Variants in AGBL1 observed in about 807,000 individuals in gnomAD.
AGBL1 encodes AGBL carboxypeptidase 1, also known as cytosolic carboxypeptidase 4.
Under a neutral mutation model 118.9 loss-of-function variants are expected in AGBL1, and 130 were observed. That is an observed-to-expected ratio of 1.09 (90% CI 0.95 to 1.26). The LOEUF (loss-of-function observed/expected upper bound fraction) is 1.26, where lower values mean the gene tolerates loss of function less well. AGBL1 is among the 50% of genes most tolerant of loss of function. The pLI, the probability that AGBL1 is intolerant of heterozygous loss-of-function variation, is 0.00. For synonymous variants in AGBL1, 555 were observed against 478.9 expected (o/e 1.16, Z -2.08); for missense variants, 1,584 against 1,298.1 (o/e 1.22, Z -3.38).
chr15:86,216,672 G>T (rs1298130952), intron 5 of AGBL1, among the ~76,000 whole-genome samples: 1 of 152,060 alleles, frequency 6.6e-6, no homozygotes, highest in East Asian at 1.9e-4. Flanking sequence ...GCTCCACATG[G>T]CTTTCTACTG....
At position 86,782,522 on chromosome 15, in the gene AGBL1, C is replaced by A. The variant is rs1257076216; in HGVS notation, c.3158+108086C>A. On this transcript the variant is annotated intron_variant, in intron 22 of 22. Transcript: ENST00000614907. ...ATTGGAAGCAAAATCCAAAAATAAT[C>A]ATTTCCTACTTTTGTGTGCGTTCTT... Among the ~76,000 whole-genome samples, 2 of 152,164 alleles carry A rather than the reference C, an allele frequency of 1.3e-5. 1 individual carries two copies. Among genetic ancestry groups the A allele is most frequent in the East Asian group, 3.9e-4 (2 of 5,182 alleles).
intron 1 of AGBL1, among the ~76,000 whole-genome samples, chr15:86,130,132 C>G (rs1236546396): frequency 1.3e-5 from 2 of 152,098 alleles, no homozygotes; most frequent in Admixed American, 1.3e-4. Context: ...ATGTCTCACT[C>G]TATACTGGAG....
At chr15:86,947,651 C>T (rs1439704582) in intron 23 of AGBL1, among the ~76,000 whole-genome samples, 1 of 152,188 alleles carries the variant, frequency 6.6e-6, no homozygotes, top group East Asian at 1.9e-4. Context: ...AAAATGTGCA[C>T]AAAAGAGTCA....
At chr15:86,719,015 T>G (rs936264106) in intron 22 of AGBL1, among the ~76,000 whole-genome samples, 2 of 152,136 alleles carry the variant, frequency 1.3e-5, no homozygotes, top group African/African-American at 4.8e-5. Flanking sequence ...CAACACCCCT[T>G]TCCCCCCATT....
chr15:86,601,873 T>A (rs1270296406), intron 21 of AGBL1, among the ~76,000 whole-genome samples: 1 of 152,174 alleles, frequency 6.6e-6, no homozygotes, highest in Non-Finnish European at 1.5e-5. Flanking sequence ...AATATGTGCC[T>A]AAAGTCACAT....
chr15:86,861,965 G>A (rs1366003499), intron 22 of AGBL1, among the ~76,000 whole-genome samples: 4 of 152,214 alleles, frequency 2.6e-5, no homozygotes, highest in South Asian at 2.1e-4. Flanking sequence ...TAAGGATACT[G>A]CAATTAAGAG....
chr15:86,487,365 C>T (rs1207754428), intron 18 of AGBL1, among the ~76,000 whole-genome samples: 1 of 152,050 alleles, frequency 6.6e-6, no homozygotes, highest in African/African-American at 2.4e-5. Context: ...TCCTGTGTTG[C>T]TAAAAGTGCT....
chr15:86,204,738 C>A (rs748215042), intron 5 of AGBL1, among the ~76,000 whole-genome samples: 1 of 152,060 alleles, frequency 6.6e-6, no homozygotes, highest in Non-Finnish European at 1.5e-5. Flanking sequence ...TACAGGCGTG[C>A]ACCACCATGC....
At chr15:86,551,445 A>C (rs2083662111) in intron 20 of AGBL1, among the ~76,000 whole-genome samples, 1 of 152,194 alleles carries the variant, frequency 6.6e-6, no homozygotes, top group Admixed American at 6.5e-5. Flanking sequence ...TATCATTAAC[A>C]ACTTTATGCC....
At chr15:86,723,160 G>A (rs1488556654) in intron 22 of AGBL1, among the ~76,000 whole-genome samples, 1 of 152,156 alleles carries the variant, frequency 6.6e-6, no homozygotes, top group African/African-American at 2.4e-5. Flanking sequence ...CTGAGTGTAT[G>A]TCCAAAGGAT....
chr15:86,475,948 C>T (rs2142112138), intron 18 of AGBL1, among the ~76,000 whole-genome samples: 1 of 152,266 alleles, frequency 6.6e-6, no homozygotes, highest in Admixed American at 6.5e-5. Context: ...GAATTTTCAA[C>T]CCAGAATTTC....
At chr15:86,607,358 C>A (rs1271527977) in intron 21 of AGBL1, among the ~76,000 whole-genome samples, 10 of 152,150 alleles carry the variant, frequency 6.6e-5, no homozygotes, top group Non-Finnish European at 2.9e-5. Flanking sequence ...GAATGAACCT[C>A]CTCTTGAATG....
chr15:86,566,112 C>G (rs1410291404), intron 21 of AGBL1, among the ~76,000 whole-genome samples: 42 of 152,008 alleles, frequency 2.8e-4, no homozygotes, highest in African/African-American at 7.0e-4. Flanking sequence ...CTTTGGCTCA[C>G]CTCGTTGGGC....
intron 1 of AGBL1, among the ~76,000 whole-genome samples, chr15:86,118,149 A>G (rs992325716): frequency 3.3e-5 from 5 of 152,194 alleles, no homozygotes; most frequent in African/African-American, 1.2e-4. Context: ...ACCTTTTCCC[A>G]GGTGGACTCA....
intron 22 of AGBL1, among the ~76,000 whole-genome samples, chr15:86,684,550 G>A (rs1298954809): frequency 2.0e-5 from 3 of 151,512 alleles, no homozygotes; most frequent in Non-Finnish European, 4.4e-5. Flanking sequence ...CAAACTCCTG[G>A]GCTCAAGCAG....
downstream of AGBL1, among the ~76,000 whole-genome samples, chr15:87,029,433 A>ATACTT (rs1425046693): frequency 2.0e-5 from 3 of 151,890 alleles, no homozygotes; most frequent in South Asian, 2.1e-4. Flanking sequence ...TGATGTGCTA[A>ATACTT]TACTTTATTC....
At chr15:86,935,319 A>G (rs544728275) in intron 23 of AGBL1, 2 of 152,364 alleles carry the variant, frequency 1.3e-5, no homozygotes, top group East Asian at 3.9e-4. Flanking sequence ...AGTTATGGTT[A>G]TACATGTGAC....
rs544397935 is a variant in AGBL1, at chr15:86,383,275, A to AAAAAAAAAT, written c.2375-14091_2375-14090insAAAAAAAAT. ...AAAAAAAAAAAAAAAAAAAAAAAAA[A>AAAAAAAAAT]TCCTAATTGCTTATCTTAAGTATTT... On this transcript the variant is annotated intron_variant, in intron 17 of 22. Coordinates refer to ENST00000614907, the MANE Select transcript of AGBL1 (RefSeq NM_001386094.1). Among the ~76,000 whole-genome samples the AAAAAAAAAT allele has an allele frequency of 1.3e-4, 16 of 118,898 alleles. 2 individuals are homozygous for AAAAAAAAAT. Among genetic ancestry groups the AAAAAAAAAT allele is most frequent in the East Asian group, 2.8e-4 (1 of 3,526 alleles). The allele number at this position is 118,898 out of a possible 152,430, so 78.0% of individuals were successfully genotyped here. A position where few individuals can be genotyped will look rare whatever the true frequency, so the allele number is the denominator to read the frequency against.
chr15:86,968,360 A>C (rs2141698568), intron 23 of AGBL1, among the ~76,000 whole-genome samples: 1 of 152,070 alleles, frequency 6.6e-6, no homozygotes, highest in African/African-American at 2.4e-5. Context: ...TGGAATGTTC[A>C]GTGGAAAAAA....
Sources: allele counts gnomAD v4.1 joint callset (sites outside exome capture counted in the v4.1 genomes callset), GRCh38; gene constraint gnomAD v4.1.1; transcripts MANE v1.5; gene names NCBI Gene and HGNC (gene_info 2026-07-23, HGNC 2026-07-21).